L3MBTL4: variants seen among roughly 807,000 people sequenced by gnomAD.
L3MBTL4 encodes the protein lethal(3)malignant brain tumor-like protein 4.
In L3MBTL4, 70 loss-of-function variants were observed where a neutral mutation model predicts 84.5. The ratio of observed to expected loss-of-function variants is 0.83; its 90% confidence interval spans 0.68 to 1.01. The LOEUF (loss-of-function observed/expected upper bound fraction) is 1.01, where lower values mean the gene tolerates loss of function less well. L3MBTL4 is among the 50% of genes least tolerant of loss of function. The probability of loss-of-function intolerance (pLI) is 0.00; values close to 1 mark genes in which losing one functional copy is unlikely to be tolerated. For missense variants in L3MBTL4, 715 were observed against 754.8 expected, an observed-to-expected ratio of 0.95 and a Z score of 0.62; for synonymous variants, 274 against 259.8, an observed-to-expected ratio of 1.05 and a Z score of -0.52.
At chr18:6,155,337 A>C (rs2043057945) in intron 13 of L3MBTL4, among the ~76,000 whole-genome samples, 1 of 152,226 alleles carries the variant, frequency 6.6e-6, no homozygotes, top group African/African-American at 2.4e-5. Context: ...AGAAGACTGC[A>C]CTGCCAGAAA....
At chr18:6,386,659 A>G (rs173149) in intron 1 of L3MBTL4, among the ~76,000 whole-genome samples, 120,304 of 152,154 alleles carry the variant, frequency 0.79, 48,190 homozygotes, top group African/African-American at 0.93. Context: ...CTGTGTGAAG[A>G]GTGTTCCCAG....
At chr18:5,989,024 C>T (rs927944415) in intron 16 of L3MBTL4, among the ~76,000 whole-genome samples, 1 of 152,228 alleles carries the variant, frequency 6.6e-6, no homozygotes, top group Non-Finnish European at 1.5e-5. Flanking sequence ...AGGACTTCCA[C>T]TACTCGCCTA....
intron 1 of L3MBTL4, among the ~76,000 whole-genome samples, chr18:6,359,848 G>C (rs889720083): frequency 1.3e-5 from 2 of 151,888 alleles, no homozygotes; most frequent in South Asian, 2.1e-4. Context: ...TCCTAGTGTG[G>C]GGGGCAAGCA....
At chr18:6,395,463 G>C (rs533817050) in intron 1 of L3MBTL4, 5 of 152,258 alleles carry the variant, frequency 3.3e-5, no homozygotes, top group African/African-American at 1.2e-4. Context: ...GGGGGAACAA[G>C]AGGAAGGGAA....
chr18:6,020,456 T>C (rs556841715), intron 16 of L3MBTL4, among the ~76,000 whole-genome samples: 76 of 152,278 alleles, frequency 5.0e-4, no homozygotes, highest in African/African-American at 1.8e-3. Flanking sequence ...CTGAGGCAGC[T>C]GGAGAGGCTG....
Position 6,246,643 on chromosome 18 carries a change from C to T in L3MBTL4, c.220-2055G>A, listed in dbSNP as rs148275968. On this transcript the variant is annotated intron_variant, in intron 5 of 18. Coordinates refer to ENST00000317931, the MANE Select transcript of L3MBTL4 (RefSeq NM_001330559.2). ...CCAGGGGCTGGGCACGTGGCTCATG[C>T]CTGTAATCCCAGCACTTTGGGAGGC... 3.0e-3 allele frequency among the ~76,000 whole-genome samples: 464 copies of T among 152,306 alleles called. 2 individuals carry two copies. Among genetic ancestry groups the T allele is most frequent in the African/African-American group, 0.011 (443 of 41,570 alleles).
intron 16 of L3MBTL4, among the ~76,000 whole-genome samples, chr18:6,071,845 AGAGAGG>A (rs2057667923): frequency 6.6e-6 from 1 of 151,398 alleles, no homozygotes; most frequent in African/African-American, 2.4e-5. Context: ...AGAGAAAGAG[AGAGAGG>A]GAGGGAGGGA....
rs557330133 is a variant in L3MBTL4 at position 6,049,551 on chromosome 18, T to C, written c.1444+31330A>G. ...TACTATGCAGCCATAAAAAATGAAA[T>C]CATATCTTTTGCAACAACGTGGATG... is the stretch of plus-strand genomic sequence containing the variant. On this transcript the variant is annotated intron_variant, in intron 16 of 18. Transcript: ENST00000317931. 2.3e-4 allele frequency among the ~76,000 whole-genome samples: 35 copies of C among 152,284 alleles called. 1 individual carries two copies. Among genetic ancestry groups the C allele is most frequent in the African/African-American group, 8.4e-4 (35 of 41,560 alleles).
chr18:6,176,634 A>C (rs565991961), intron 12 of L3MBTL4, among the ~76,000 whole-genome samples: 2 of 152,314 alleles, frequency 1.3e-5, no homozygotes, highest in East Asian at 3.9e-4. Context: ...AGTCTTCATG[A>C]TATTGGAATA....
At chr18:6,036,325 C>T (rs891140676) in intron 16 of L3MBTL4, among the ~76,000 whole-genome samples, 1 of 152,148 alleles carries the variant, frequency 6.6e-6, no homozygotes, top group Non-Finnish European at 1.5e-5. Flanking sequence ...GAATCTCAGA[C>T]TCAATAATTT....
At chr18:6,373,530 C>T (rs1470529833) in intron 1 of L3MBTL4, among the ~76,000 whole-genome samples, 3 of 152,198 alleles carry the variant, frequency 2.0e-5, no homozygotes, top group African/African-American at 7.2e-5. Context: ...CACACCCCTA[C>T]ACACAGTGAG....
chr18:6,163,825 C>T (rs927519754), intron 13 of L3MBTL4, among the ~76,000 whole-genome samples: 1 of 152,118 alleles, frequency 6.6e-6, no homozygotes, highest in Non-Finnish European at 1.5e-5. Flanking sequence ...GAACGCTGGA[C>T]AGTGGGTGCA....
chr18:6,277,465 TTC>T (rs1875704599), intron 4 of L3MBTL4, among the ~76,000 whole-genome samples: 1 of 152,196 alleles, frequency 6.6e-6, no homozygotes, highest in African/African-American at 2.4e-5. Flanking sequence ...TCCTTCTGGT[TTC>T]TCTATCCTGT....
intron 4 of L3MBTL4, among the ~76,000 whole-genome samples, chr18:6,284,417 C>T (rs2049464274): frequency 6.6e-6 from 1 of 152,178 alleles, no homozygotes; most frequent in Non-Finnish European, 1.5e-5. Flanking sequence ...ATGGCTGTCC[C>T]TCCTGGGAAA....
At chr18:6,037,219 G>A (rs1160289726) in intron 16 of L3MBTL4, among the ~76,000 whole-genome samples, 9 of 152,346 alleles carry the variant, frequency 5.9e-5, no homozygotes, top group Middle Eastern at 3.4e-3. Flanking sequence ...AGGAACGCAT[G>A]CATACCTGCC....
At chr18:6,285,124 C>G (rs577987704) in intron 4 of L3MBTL4, among the ~76,000 whole-genome samples, 2 of 152,364 alleles carry the variant, frequency 1.3e-5, no homozygotes, top group Admixed American at 6.5e-5. Flanking sequence ...AGGAGGCGTC[C>G]GCAGAGGGGT....
At chr18:6,163,282 T>TGG (rs2043449198) in intron 13 of L3MBTL4, among the ~76,000 whole-genome samples, 1 of 118,362 alleles carries the variant, frequency 8.4e-6, no homozygotes, top group Non-Finnish European at 1.7e-5. Flanking sequence ...GGTGTGTGTG[T>TGG]GTGTGTGTGT....
At chr18:6,297,437 C>T (rs1384773178) in intron 4 of L3MBTL4, among the ~76,000 whole-genome samples, 1 of 152,118 alleles carries the variant, frequency 6.6e-6, no homozygotes, top group Non-Finnish European at 1.5e-5. Flanking sequence ...ACAAATGTTC[C>T]ATGGTCACCT....
At chr18:6,143,496 T>C (rs2060255517) in intron 13 of L3MBTL4, among the ~76,000 whole-genome samples, 1 of 152,220 alleles carries the variant, frequency 6.6e-6, no homozygotes, top group Non-Finnish European at 1.5e-5. Context: ...AAAAGAAACC[T>C]GCAAATTCTG....
Sources: allele counts gnomAD v4.1 joint callset (sites outside exome capture counted in the v4.1 genomes callset), GRCh38; gene constraint gnomAD v4.1.1; transcripts MANE v1.5; gene names NCBI Gene and HGNC (gene_info 2026-07-23, HGNC 2026-07-21).